CLCC1: variants seen among roughly 807,000 people sequenced by gnomAD.
The protein encoded by CLCC1 is chloride channel CLIC-like protein 1.
CLCC1 carries 39 observed loss-of-function variants against 63.3 expected under a neutral mutation model. The ratio of observed to expected loss-of-function variants is 0.62; its 90% CI spans 0.48 to 0.81. The LOEUF (loss-of-function observed/expected upper bound fraction) is 0.81. CLCC1 is among the 30% of genes least tolerant of loss of function. The pLI is 0.00. For missense variants in CLCC1, 549 were observed against 669.4 expected (o/e 0.82, Z 1.98); for synonymous variants, 217 against 239.8 (o/e 0.90, Z 0.88).
At chr1:108,939,195 AAATATAAATATATAAT>A (rs1557892379) in intron 10 of CLCC1, among the ~76,000 whole-genome samples, 1 of 146,674 alleles carries the variant, frequency 6.8e-6, no homozygotes, top group Admixed American at 6.9e-5. Context: ...ATATATATAT[AAATATAAATATATAAT>A]ATATAAATAT....
rs367914389 is a variant in CLCC1, at chr1:108,930,890, C to CAA, written c.*1655_*1656dup. The CAA allele has an allele frequency of 7.0e-5, 9 of 128,610 alleles. No homozygotes were observed. The highest frequency in any genetic ancestry group is 2.7e-4 in the East Asian group (1 of 3,756). The allele number at this position is 128,610 out of a possible 1,614,324, so 8.0% of individuals were successfully genotyped here. On this transcript the variant is annotated 3_prime_UTR_variant, in exon 13 of 13. Coordinates refer to ENST00000369969, the MANE Select transcript of CLCC1 (RefSeq NM_001377458.1). ...TGAGTGACAGAGCAAGACTCTGTCT[C>CAA]AAAAAAAAAAAAAACAGCAAGCATG...
intron 5 of CLCC1, among the ~76,000 whole-genome samples, chr1:108,946,542 G>GGAGT (rs1417021934): frequency 6.6e-6 from 1 of 152,094 alleles, no homozygotes; most frequent in Non-Finnish European, 1.5e-5. Context: ...CCAGGAAGAT[G>GGAGT]GAGTATATGG....
Position 108,958,652 on chromosome 1 carries a change from G to A in CLCC1, c.-12+3657C>T, listed in dbSNP as rs545637799. 1.5e-3 allele frequency among the ~76,000 whole-genome samples: 220 copies of A among 151,422 alleles called. 8 individuals are homozygous for A. The highest frequency in any genetic ancestry group is 0.014 in the Middle Eastern group (4 of 294). ...CCCAGCACTTTGGGAGGCCCAGCAG[G>A]CGGATCACTTGAGCCCAGGAGTTCA... On this transcript the variant is annotated intron_variant, in intron 2 of 12. Coordinates refer to ENST00000369969, the MANE Select transcript of CLCC1 (RefSeq NM_001377458.1).
rs757227610 is a variant in CLCC1, at chr1:108,929,950, A to T, written c.*2597T>A. ...ATCGGCAGACCATTAGTTACTATGG[A>T]TTTATTTTTTTTCCTTTCAAACACG... On this transcript the variant is annotated 3_prime_UTR_variant, in exon 13 of 13. Transcript: ENST00000369969. 35 of 1,610,648 alleles carry T rather than the reference A, an allele frequency of 2.2e-5. No homozygotes were observed. The highest frequency in any genetic ancestry group is 2.9e-5 in the Non-Finnish European group (34 of 1,177,516).
chr1:108,939,104 T>C (rs962245928), intron 10 of CLCC1, among the ~76,000 whole-genome samples: 1 of 149,900 alleles, frequency 6.7e-6, no homozygotes, highest in Non-Finnish European at 1.5e-5. Context: ...ATATTGACAG[T>C]GCTAATATTT....
intron 2 of CLCC1, among the ~76,000 whole-genome samples, chr1:108,957,452 C>A (rs1656060946): frequency 6.6e-6 from 1 of 151,518 alleles, no homozygotes; most frequent in Non-Finnish European, 1.5e-5. Flanking sequence ...CCCTAAATGA[C>A]CACCTGGAAG....
At chr1:108,948,487 T>G (rs1444779282) in intron 4 of CLCC1, among the ~76,000 whole-genome samples, 2 of 152,164 alleles carry the variant, frequency 1.3e-5, no homozygotes, top group Non-Finnish European at 2.9e-5. Flanking sequence ...AGTTGAGCGC[T>G]GAAATGCACA....
At chr1:108,949,989 A>T (rs1654993799) in intron 3 of CLCC1, 68 bp from the exon 4 acceptor site, 7 of 945,410 alleles carry the variant, frequency 7.4e-6, no homozygotes, top group Non-Finnish European at 1.2e-5. Flanking sequence ...TTGGTTAATG[A>T]AGACTAAGAT....
At chr1:108,936,595 C>T (rs925620647) in intron 11 of CLCC1, among the ~76,000 whole-genome samples, 1 of 151,804 alleles carries the variant, frequency 6.6e-6, no homozygotes, top group African/African-American at 2.4e-5. Flanking sequence ...TGGTGAAAAA[C>T]TTCTTCTTAC....
At chr1:108,961,077 T>C (rs191998607) in intron 2 of CLCC1, among the ~76,000 whole-genome samples, 4 of 152,204 alleles carry the variant, frequency 2.6e-5, no homozygotes, top group African/African-American at 2.4e-5. Context: ...AGCAGTTCCA[T>C]AGATTTCTCC....
At chr1:108,953,872 T>C (rs1313238923) in intron 2 of CLCC1, among the ~76,000 whole-genome samples, 1 of 151,284 alleles carries the variant, frequency 6.6e-6, no homozygotes, top group East Asian at 1.9e-4. Flanking sequence ...TAGCTGGGTA[T>C]GGTGGTGCAT....
intron 5 of CLCC1, among the ~76,000 whole-genome samples, chr1:108,944,544 A>C (rs892685087): frequency 1.3e-5 from 2 of 152,156 alleles, no homozygotes; most frequent in Admixed American, 6.6e-5. Context: ...ATACATGAAA[A>C]ACATTTAAAA....
intron 8 of CLCC1, among the ~76,000 whole-genome samples, chr1:108,940,436 A>G (rs1049513849): frequency 2.0e-5 from 3 of 152,202 alleles, no homozygotes; most frequent in African/African-American, 7.2e-5. Flanking sequence ...ACAAACACAA[A>G]TGAGTACAGG....
At chr1:108,958,155 A>C (rs1656153361) in intron 2 of CLCC1, among the ~76,000 whole-genome samples, 2 of 151,566 alleles carry the variant, frequency 1.3e-5, no homozygotes, top group Non-Finnish European at 1.5e-5. Context: ...GAATGGTTAA[A>C]GGAATCATTC....
Position 108,930,907 on chromosome 1 carries a change from G to GC in CLCC1, c.*1639dup, listed in dbSNP as rs1201006932. 1.5e-5 allele frequency: 2 copies of GC among 135,804 alleles called. No individual in the cohort carries two copies. The highest frequency in any genetic ancestry group is 6.1e-5 in the African/African-American group (2 of 32,886). The allele number at this position is 135,804 out of a possible 1,614,324, so 8.4% of individuals were successfully genotyped here. ...CTCTGTCTCAAAAAAAAAAAAAACAGCAAGCATGCTGGCACACACCTGTAG... is the reference window on the plus strand; with the variant it reads ...CTCTGTCTCAAAAAAAAAAAAAACAGCCAAGCATGCTGGCACACACCTGTAG... On this transcript the variant is annotated 3_prime_UTR_variant, in exon 13 of 13. Coordinates refer to ENST00000369969, the MANE Select transcript of CLCC1 (RefSeq NM_001377458.1).
intron 2 of CLCC1, among the ~76,000 whole-genome samples, chr1:108,960,262 G>A (rs991838587): frequency 6.6e-6 from 1 of 152,222 alleles, no homozygotes; most frequent in Admixed American, 6.5e-5. Flanking sequence ...AGAAAGCCAT[G>A]GAAGAAGCAA....
intron 2 of CLCC1, 98 bp from the exon 3 acceptor site, chr1:108,950,546 G>C (rs1464304749): frequency 3.0e-6 from 2 of 666,330 alleles, no homozygotes; most frequent in East Asian, 9.9e-5. Context: ...TTTAGAGACA[G>C]GGTCTTGCTC....
rs1214244091 is a variant in CLCC1 at position 108,940,091 on chromosome 1, T to C, written c.848A>G (p.Tyr283Cys). 8 of 1,613,894 alleles carry C rather than the reference T, an allele frequency of 5.0e-6. No individual in the cohort carries two copies. The highest frequency in any genetic ancestry group is 5.9e-6 in the Non-Finnish European group (7 of 1,179,838). The change falls in exon 9 of 13, where the codon TAT becomes TGT. Residue 283 changes from tyrosine to cysteine, a missense_variant. Coordinates refer to ENST00000369969, the MANE Select transcript of CLCC1 (RefSeq NM_001377458.1). ...TYKDDPCQKY[Y>C]ELLLVNPIWL... ...AATAGGGTTGACTAGTAAGAGCTCA[T>C]AGTATTTTTGGCATGGGTCATCCTT... is the stretch of plus-strand genomic sequence containing the variant.
chr1:108,945,999 C>A (rs1654481058), intron 5 of CLCC1, among the ~76,000 whole-genome samples: 1 of 152,068 alleles, frequency 6.6e-6, no homozygotes, highest in Admixed American at 6.5e-5. Context: ...CCTGTCTCTA[C>A]TGAAAACACA....
Sources: gnomAD v4.1 joint callset for allele counts (sites outside exome capture counted in the v4.1 genomes callset) on GRCh38, gnomAD v4.1.1 for gene constraint, MANE v1.5 for transcripts, NCBI Gene and HGNC (gene_info 2026-07-23, HGNC 2026-07-21) for gene names.